Variants in CPA3 observed in about 807,000 individuals in gnomAD.
CPA3 encodes carboxypeptidase A3.
CPA3 carries 52 observed loss-of-function variants against 55.8 expected under a neutral mutation model. That is an observed-to-expected ratio of 0.93 (90% CI 0.75 to 1.17). The LOEUF is 1.17. Among genes scored for constraint, CPA3 ranks in the 50% most tolerant of loss-of-function variants. The probability of loss-of-function intolerance (pLI) is 0.00; values close to 1 mark genes in which losing one functional copy is unlikely to be tolerated. For synonymous variants in CPA3, 179 were observed against 171.2 expected, an observed-to-expected ratio of 1.05 and a Z score of -0.36; for missense variants, 547 against 509.1, an observed-to-expected ratio of 1.07 and a Z score of -0.72.
At chr3:148,889,613 T>C (rs1380876614) in intron 10 of CPA3, among the ~76,000 whole-genome samples, 1 of 152,110 alleles carries the variant, frequency 6.6e-6, no homozygotes, top group Non-Finnish European at 1.5e-5. Flanking sequence ...GGCTCACTTT[T>C]GTAATCCTAG....
At chr3:148,878,285 A>G (rs546255311) in intron 3 of CPA3, among the ~76,000 whole-genome samples, 156 bp from the exon 4 acceptor site, 1 of 152,332 alleles carries the variant, frequency 6.6e-6, no homozygotes, top group Admixed American at 6.5e-5. Flanking sequence ...GACACATGAT[A>G]TGTCTAAAGG....
At position 148,890,999 on chromosome 3, in the gene CPA3, G is replaced by A. The variant is rs78852209; in HGVS notation, c.1066+4822G>A. Among the ~76,000 whole-genome samples, 21 of 152,242 alleles carry A rather than the reference G, an allele frequency of 1.4e-4. No homozygotes were observed. In the East Asian group the frequency reaches 3.7e-3, roughly 27 times the overall value. Reference sequence around the variant, plus strand: ...CTTGGTATTGGCTAGTATATAGAGTGGCACATAGGTAGCACAGTACAATGA... The same window carrying A: ...CTTGGTATTGGCTAGTATATAGAGTAGCACATAGGTAGCACAGTACAATGA... On this transcript the variant is annotated intron_variant, in intron 10 of 10. Coordinates refer to ENST00000296046, the MANE Select transcript of CPA3 (RefSeq NM_001870.4).
Position 148,883,615 on chromosome 3 carries a change from A to G in CPA3, c.781A>G (p.Ile261Val). 6.2e-7 allele frequency: 1 copy of G among 1,613,676 alleles called. No individual in the cohort carries two copies. The highest frequency in any genetic ancestry group is 8.5e-7 in the Non-Finnish European group (1 of 1,179,864). ...NRNFNASWNS[I>V]PNTNDPCADN... ...TCATCCACCTATGTCTTCTGCAGCC[A>G]TTCCTAACACCAATGACCCATGTGC... is the stretch of plus-strand genomic sequence containing the variant. The change falls in exon 9 of 11, where the codon ATT becomes GTT. Residue 261 changes from isoleucine (I) to valine (V), a missense_variant and splice_region_variant. Ile to Val is a conservative substitution (Grantham distance 29). Transcript: ENST00000296046.
chr3:148,868,888 T>G, intron 2 of CPA3, 27 bp from the exon 3 acceptor site: 1 of 1,607,834 alleles, frequency 6.2e-7, no homozygotes, highest in Non-Finnish European at 8.5e-7. Context: ...AAATAAACTC[T>G]GACTAACATT....
At chr3:148,869,124 A>G in intron 3 of CPA3, 85 bp downstream of exon 3, 1 of 1,474,096 alleles carries the variant, frequency 6.8e-7, no homozygotes, top group Admixed American at 2.0e-5. Context: ...CAATGGACCT[A>G]TTTTTAATTG....
intron 10 of CPA3, among the ~76,000 whole-genome samples, chr3:148,895,607 G>A (rs1363786304): frequency 1.3e-5 from 2 of 152,144 alleles, no homozygotes; most frequent in Non-Finnish European, 2.9e-5. Flanking sequence ...CCAGTGCCAA[G>A]AAATGTGTCT....
chr3:148,888,239 C>T lies in CPA3; in HGVS notation c.1066+2062C>T, dbSNP rs936850844. Among the ~76,000 whole-genome samples, 20 of 152,254 alleles carry T rather than the reference C, an allele frequency of 1.3e-4. No individual in the cohort carries two copies. The East Asian group carries it at 1.7e-3, about 13-fold the overall frequency. ...CAATTGCGATGGAATTTGAAAATGC[C>T]GGAATCAACATATACAGTTTCTAGG... On this transcript the variant is annotated intron_variant, in intron 10 of 10. Coordinates refer to ENST00000296046, the MANE Select transcript of CPA3 (RefSeq NM_001870.4).
At chr3:148,889,827 G>T (rs888650742) in intron 10 of CPA3, among the ~76,000 whole-genome samples, 1 of 133,412 alleles carries the variant, frequency 7.5e-6, no homozygotes, top group Non-Finnish European at 1.5e-5. Flanking sequence ...CCAAGATCAC[G>T]CCACTGCACT....
chr3:148,894,246 G>A (rs4681455), intron 10 of CPA3, among the ~76,000 whole-genome samples: 76,727 of 151,972 alleles, frequency 0.5, 19,909 homozygotes, highest in Non-Finnish European at 0.57. Flanking sequence ...AAAAGGATCT[G>A]AAAGGAAGTA....
At chr3:148,870,092 CAAAAAAAAAAAAA>C (rs66460704) in intron 3 of CPA3, 2 of 63,474 alleles carry the variant, frequency 3.2e-5, no homozygotes, top group Admixed American at 2.0e-4. Context: ...GACTCCATCT[CAAAAAAAAAAAAA>C]AAAAAAAAAA....
chr3:148,874,700 C>G (rs1341617161), intron 3 of CPA3, among the ~76,000 whole-genome samples: 1 of 152,138 alleles, frequency 6.6e-6, no homozygotes, highest in East Asian at 1.9e-4. Context: ...TAAGGGAATA[C>G]AGCGTTTGTG....
At chr3:148,884,796 C>G (rs1714482702) in intron 9 of CPA3, among the ~76,000 whole-genome samples, 1 of 150,378 alleles carries the variant, frequency 6.6e-6, no homozygotes, top group Non-Finnish European at 1.5e-5. Flanking sequence ...TAATGCATAC[C>G]AATGTACAGC....
intron 10 of CPA3, among the ~76,000 whole-genome samples, chr3:148,891,016 G>T (rs1714650410): frequency 1.3e-5 from 2 of 152,168 alleles, no homozygotes; most frequent in Admixed American, 1.3e-4. Flanking sequence ...AGGTAGCACA[G>T]TACAATGATT....
intron 10 of CPA3, among the ~76,000 whole-genome samples, chr3:148,893,911 A>G (rs993517259): frequency 2.8e-4 from 42 of 152,204 alleles, no homozygotes; most frequent in Admixed American, 3.3e-4. Flanking sequence ...AAATTCAATA[A>G]ATTCAATGTA....
chr3:148,879,971 A>G, intron 6 of CPA3, 82 bp downstream of exon 6: 2 of 910,910 alleles, frequency 2.2e-6, no homozygotes, highest in South Asian at 2.8e-5. Flanking sequence ...CTTTCCAAAC[A>G]CGCAATTCCA....
chr3:148,889,599 T>A (rs1287170074), intron 10 of CPA3, among the ~76,000 whole-genome samples: 1 of 152,078 alleles, frequency 6.6e-6, no homozygotes, highest in African/African-American at 2.4e-5. Context: ...TGGCCAGGCC[T>A]GGTGGCTCAC....
chr3:148,892,468 C>T (rs994914253), intron 10 of CPA3, among the ~76,000 whole-genome samples: 3 of 151,860 alleles, frequency 2.0e-5, no homozygotes, highest in African/African-American at 7.2e-5. Flanking sequence ...GCCTGGCCAA[C>T]ATGGTGAAAC....
At chr3:148,892,634 C>G (rs561824106) in intron 10 of CPA3, among the ~76,000 whole-genome samples, 50 of 151,896 alleles carry the variant, frequency 3.3e-4, no homozygotes, top group Non-Finnish European at 6.5e-4. Context: ...GTCTGGGCAA[C>G]AAAGTGAGAC....
At chr3:148,880,164 T>C (rs967648013) in intron 6 of CPA3, among the ~76,000 whole-genome samples, 1 of 152,222 alleles carries the variant, frequency 6.6e-6, no homozygotes, top group Non-Finnish European at 1.5e-5. Context: ...TAGTCAAGTA[T>C]GGAAAATCTG....
Sources: gnomAD v4.1 joint callset for allele counts (sites outside exome capture counted in the v4.1 genomes callset) on GRCh38, gnomAD v4.1.1 for gene constraint, MANE v1.5 for transcripts, NCBI Gene and HGNC (gene_info 2026-07-23, HGNC 2026-07-21) for gene names.